PLVAP: variants seen among roughly 807,000 people sequenced by gnomAD.
PLVAP encodes the protein plasmalemma vesicle associated protein, also known as plasmalemma vesicle-associated protein.
Under a neutral mutation model 43.1 loss-of-function variants are expected in PLVAP, and 34 were observed. The observed-to-expected ratio is 0.79, with a 90% CI of 0.60 to 1.05. PLVAP has a LOEUF of 1.05. Among genes scored for constraint, PLVAP ranks in the 50% least tolerant of loss-of-function variants. The probability of loss-of-function intolerance (pLI) is 0.00; values close to 1 mark genes in which losing one functional copy is unlikely to be tolerated. For missense variants in PLVAP, 574 were observed against 593.4 expected (o/e 0.97, Z 0.34); for synonymous variants, 241 against 237.3 (o/e 1.02, Z -0.14).
At chr19:17,356,224 C>T (rs1295666384) in intron 5 of PLVAP, among the ~76,000 whole-genome samples, 5 of 152,158 alleles carry the variant, frequency 3.3e-5, no homozygotes, top group Admixed American at 2.6e-4. Context: ...GCATGAGAAT[C>T]GCTTGAACCC....
At chr19:17,360,406 A>T in intron 5 of PLVAP, 122 bp downstream of exon 5, 1 of 1,008,034 alleles carries the variant, frequency 9.9e-7, no homozygotes, top group Non-Finnish European at 1.5e-6. Context: ...GACCTAGTAT[A>T]CAGCAGGTGC....
At chr19:17,359,849 T>C (rs2034437016) in intron 5 of PLVAP, among the ~76,000 whole-genome samples, 3 of 152,152 alleles carry the variant, frequency 2.0e-5, no homozygotes, top group Non-Finnish European at 2.9e-5. Context: ...TGAGCCACTG[T>C]GCCCAGCTGA....
At chr19:17,363,409 C>T (rs1299526171) in intron 3 of PLVAP, among the ~76,000 whole-genome samples, 7 of 152,254 alleles carry the variant, frequency 4.6e-5, no homozygotes, top group Middle Eastern at 3.4e-3. Context: ...TCAGGTGATC[C>T]GCCCACATTG....
rs1239411360 is a variant in PLVAP at position 17,351,974 on chromosome 19, C to T, written c.*388G>A. On this transcript the variant is annotated 3_prime_UTR_variant, in exon 6 of 6. Coordinates refer to ENST00000252590, the MANE Select transcript of PLVAP (RefSeq NM_031310.3). ...TAATATGTGTGACGTCGACATGGCC[C>T]GTGACGTCGTTGCTGCATCTCGGTG... The T allele has an allele frequency of 6.8e-6, 2 of 296,268 alleles. No homozygotes were observed. The highest frequency in any genetic ancestry group is 6.4e-5 in the South Asian group (1 of 15,720). 18.4% of individuals were successfully genotyped at this position (296,268 alleles called of 1,614,324 possible).
At chr19:17,373,466 G>T (rs1248997494) in intron 1 of PLVAP, among the ~76,000 whole-genome samples, 1 of 152,006 alleles carries the variant, frequency 6.6e-6, no homozygotes, top group Non-Finnish European at 1.5e-5. Flanking sequence ...CAGTGCGGAC[G>T]GCTGGGTGGT....
chr19:17,359,731 C>T (rs551979261), intron 5 of PLVAP, among the ~76,000 whole-genome samples: 3 of 126,522 alleles, frequency 2.4e-5, no homozygotes, highest in Admixed American at 8.1e-5. Flanking sequence ...CTCACTCTGT[C>T]GTCCAGGCTG....
Position 17,366,877 on chromosome 19 carries a change from C to T in PLVAP, c.370-682G>A, listed in dbSNP as rs1014999754. Among the ~76,000 whole-genome samples, 29 of 151,082 alleles carry T rather than the reference C, an allele frequency of 1.9e-4. 1 individual carries two copies. Among genetic ancestry groups the T allele is most frequent in the Non-Finnish European group, 5.9e-5 (4 of 67,932 alleles). ...TCTTGAACTCCTGATCTCAGGTGATCTGCCCGCCTCGGCTTCCCAAAGTGC... is the reference window on the plus strand; with the variant it reads ...TCTTGAACTCCTGATCTCAGGTGATTTGCCCGCCTCGGCTTCCCAAAGTGC... On this transcript the variant is annotated intron_variant, in intron 1 of 5. Transcript: ENST00000252590.
intron 3 of PLVAP, among the ~76,000 whole-genome samples, chr19:17,364,553 C>T (rs2074540817): frequency 6.6e-6 from 1 of 152,048 alleles, no homozygotes; most frequent in Non-Finnish European, 1.5e-5. Flanking sequence ...AAACTCTACC[C>T]TAATCCTAAT....
At position 17,351,651 on chromosome 19, in the gene PLVAP, C is replaced by T. The variant is rs116074635; in HGVS notation, c.*711G>A. On this transcript the variant is annotated 3_prime_UTR_variant, in exon 6 of 6. Coordinates refer to ENST00000252590, the MANE Select transcript of PLVAP (RefSeq NM_031310.3). Reference sequence around the variant, plus strand: ...TGGCTTCCTGTTCTCACCTCCGGGTCCAGGCACTGGGGGTGAGGAAGTGGC... The same window carrying T: ...TGGCTTCCTGTTCTCACCTCCGGGTTCAGGCACTGGGGGTGAGGAAGTGGC... 1 of 152,392 alleles carries T rather than the reference C, an allele frequency of 6.6e-6. No individual in the cohort carries two copies. The highest frequency in any genetic ancestry group is 1.5e-5 in the Non-Finnish European group (1 of 68,176). 9.4% of individuals were successfully genotyped at this position (152,392 alleles called of 1,614,324 possible).
chr19:17,368,033 G>A (rs991634797), intron 1 of PLVAP, among the ~76,000 whole-genome samples: 1 of 150,362 alleles, frequency 6.7e-6, no homozygotes, highest in Non-Finnish European at 1.5e-5. Flanking sequence ...GAGTAGTTGG[G>A]ATTACAGGGG....
At chr19:17,375,771 C>T (rs1261818898) in intron 1 of PLVAP, among the ~76,000 whole-genome samples, 2 of 151,982 alleles carry the variant, frequency 1.3e-5, no homozygotes, top group East Asian at 1.9e-4. Context: ...ATCCCAGCTA[C>T]TCAGGAGGCT....
chr19:17,367,422 CTT>C (rs1036334861), intron 1 of PLVAP, among the ~76,000 whole-genome samples: 3 of 148,780 alleles, frequency 2.0e-5, no homozygotes, highest in Non-Finnish European at 3.0e-5. Context: ...GAGTTTCGCT[CTT>C]GTTGCCCAGG....
chr19:17,365,594 G>T lies in PLVAP; in HGVS notation c.871C>A (p.Arg291=). Residue 291 remains arginine, a synonymous_variant, in exon 3 of 6, where the codon CGG becomes AGG. Coordinates refer to ENST00000252590, the MANE Select transcript of PLVAP (RefSeq NM_031310.3). ...CGGGCCACGCGTTCGATATCCGCCCGGAGGCTCCGGGCCAGCTCCTCCACC... is the reference window on the plus strand; with the variant it reads ...CGGGCCACGCGTTCGATATCCGCCCTGAGGCTCCGGGCCAGCTCCTCCACC... ...SKVEELARSL[R]ADIERVAREN... is the part of the protein sequence containing the mutation. 4 of 1,612,918 alleles carry T rather than the reference G, an allele frequency of 2.5e-6. No individual in the cohort carries two copies. The highest frequency in any genetic ancestry group is 3.4e-6 in the Non-Finnish European group (4 of 1,180,022).
At chr19:17,355,591 C>T (rs1283335985) in intron 5 of PLVAP, among the ~76,000 whole-genome samples, 1 of 149,076 alleles carries the variant, frequency 6.7e-6, no homozygotes, top group Admixed American at 6.8e-5. Context: ...TGCAGTGGTG[C>T]AATCTCAGCT....
In PLVAP at chr19:17,366,142, C is replaced by A. The variant is rs773740977; in HGVS notation, c.423G>T (p.Lys141Asn). ...TGTCCTTGAATTGATCTCTGCATTG[C>A]TTCTCACTCAAGATGATGGCAGCCA... ...RYMAAIILSE[K>N]QCRDQFKDMN... The change falls in exon 2 of 6, where the codon AAG becomes AAT. Residue 141 changes from lysine (K) to asparagine (N), a missense_variant. Lys to Asn is a moderately conservative substitution (Grantham distance 94). Transcript: ENST00000252590. The A allele has an allele frequency of 1.2e-5, 20 of 1,614,152 alleles. No homozygotes were observed. In the South Asian group the frequency reaches 2.2e-4, roughly 18 times the overall value.
Position 17,365,521 on chromosome 19 carries a change from A to C in PLVAP, c.944T>G (p.Leu315Arg). The C allele has an allele frequency of 6.2e-7, 1 of 1,612,028 alleles. No homozygotes were observed. The highest frequency in any genetic ancestry group is 1.1e-5 in the South Asian group (1 of 91,082). Reference protein sequence around the residue: ...QRQKLEAQQGLRASQEAKQKV... With the variant: ...QRQKLEAQQGRRASQEAKQKV... ...CTGTTTCGCCTCCTGACTGGCCCGC[A>C]GGCCCTGCTGGGCTTCCAGCTTCTG... The change falls in exon 3 of 6, where the codon CTG (leucine) becomes CGG (arginine). Residue 315 changes from leucine (L) to arginine (R), a missense_variant. Leu to Arg is a moderately radical substitution (Grantham distance 102). Transcript: ENST00000252590.
At chr19:17,372,787 A>G (rs1248253480) in intron 1 of PLVAP, among the ~76,000 whole-genome samples, 8 of 147,020 alleles carry the variant, frequency 5.4e-5, no homozygotes, top group African/African-American at 2.0e-4. Context: ...AAGACAGGCC[A>G]GGTGCAGTGG....
intron 1 of PLVAP, among the ~76,000 whole-genome samples, chr19:17,371,468 C>T (rs1204069648): frequency 2.6e-5 from 4 of 151,790 alleles, no homozygotes; most frequent in Non-Finnish European, 2.9e-5. Flanking sequence ...CTGCCACGCC[C>T]GGCCAGCTAT....
Position 17,352,341 on chromosome 19 carries a change from G to A in PLVAP, c.*21C>T, listed in dbSNP as rs1304768209. On this transcript the variant is annotated 3_prime_UTR_variant, in exon 6 of 6. Transcript: ENST00000252590. Reference sequence around the variant, plus strand: ...AACCGCCGAGTCGGGCCATCCCTTGGTCCTCAGGCCTGGAGCCTCCTCAGC... The same window carrying A: ...AACCGCCGAGTCGGGCCATCCCTTGATCCTCAGGCCTGGAGCCTCCTCAGC... The A allele has an allele frequency of 1.2e-6, 2 of 1,613,370 alleles. No individual in the cohort carries two copies. Among genetic ancestry groups the A allele is most frequent in the Non-Finnish European group, 1.7e-6 (2 of 1,179,580 alleles).
Sources: gnomAD v4.1 joint callset for allele counts (sites outside exome capture counted in the v4.1 genomes callset) on GRCh38, gnomAD v4.1.1 for gene constraint, MANE v1.5 for transcripts, NCBI Gene and HGNC (gene_info 2026-07-23, HGNC 2026-07-21) for gene names.